Variants in LSAMP observed in about 807,000 individuals in gnomAD.
LSAMP encodes the protein limbic system-associated membrane protein.
A neutral mutation model predicts 38.6 loss-of-function variants in LSAMP; 7 were observed. The ratio of observed to expected loss-of-function variants is 0.18; its 90% CI spans 0.10 to 0.34. The LOEUF (loss-of-function observed/expected upper bound fraction) is 0.34. Ranked by LOEUF, LSAMP falls within the 10% of genes least tolerant of loss-of-function variation. LSAMP has a pLI of 1.00. For missense variants in LSAMP, 313 were observed against 420.0 expected, an observed-to-expected ratio of 0.75 and a Z score of 2.23; for synonymous variants, 154 against 166.8, an observed-to-expected ratio of 0.92 and a Z score of 0.59.
chr3:116,344,451 C>T (rs573468428), intron 1 of LSAMP, among the ~76,000 whole-genome samples: 2 of 152,206 alleles, frequency 1.3e-5, no homozygotes, highest in African/African-American at 4.8e-5. Flanking sequence ...TGCATGCAAA[C>T]TTGCAAGGAG....
chr3:116,328,430 T>C (rs1037877567), intron 1 of LSAMP, among the ~76,000 whole-genome samples: 2 of 152,222 alleles, frequency 1.3e-5, no homozygotes, highest in African/African-American at 4.8e-5. Flanking sequence ...TTCTTCTAAA[T>C]AGCATATTCT....
At chr3:116,038,624 A>G in intron 2 of LSAMP, among the ~76,000 whole-genome samples, 1 of 152,116 alleles carries the variant, frequency 6.6e-6, no homozygotes, top group East Asian at 1.9e-4. Context: ...TCTGAGATGT[A>G]TGCTATATAT....
intron 2 of LSAMP, among the ~76,000 whole-genome samples, chr3:116,054,193 A>C (rs1044072872): frequency 7.2e-5 from 11 of 152,048 alleles, no homozygotes; most frequent in African/African-American, 1.9e-4. Context: ...AGCATCAATA[A>C]TCTCTTTTTG....
At chr3:116,020,881 G>A (rs1940619227) in intron 2 of LSAMP, among the ~76,000 whole-genome samples, 1 of 152,174 alleles carries the variant, frequency 6.6e-6, no homozygotes, top group Non-Finnish European at 1.5e-5. Flanking sequence ...GTTCAATAAT[G>A]AATTGTATCT....
At position 115,835,872 on chromosome 3, in the gene LSAMP, G is replaced by T. The variant is rs547820927; in HGVS notation, c.919+5973C>A. On this transcript the variant is annotated intron_variant, in intron 6 of 6. Coordinates refer to ENST00000490035, the MANE Select transcript of LSAMP (RefSeq NM_002338.5). ...GAACAATTGTGTGTTAGTTACACAA[G>T]TGTCAAGTAGAAAAATGGTTTAAGC... Among the ~76,000 whole-genome samples, 38 of 152,316 alleles carry T rather than the reference G, an allele frequency of 2.5e-4. 1 individual carries two copies. In the South Asian group the frequency reaches 3.7e-3, roughly 15 times the overall value.
At chr3:116,401,118 A>G (rs542409599) in intron 1 of LSAMP, among the ~76,000 whole-genome samples, 11 of 152,356 alleles carry the variant, frequency 7.2e-5, no homozygotes, top group African/African-American at 2.6e-4. Flanking sequence ...AAGGGCTAAC[A>G]ACAAACTATT....
intron 1 of LSAMP, among the ~76,000 whole-genome samples, chr3:116,249,702 T>C (rs1325184958): frequency 6.6e-6 from 1 of 152,044 alleles, no homozygotes; most frequent in Non-Finnish European, 1.5e-5. Flanking sequence ...CTTTAATACA[T>C]AGTCTTCTGG....
At chr3:116,270,832 T>C (rs2046961654) in intron 1 of LSAMP, among the ~76,000 whole-genome samples, 1 of 152,142 alleles carries the variant, frequency 6.6e-6, no homozygotes, top group African/African-American at 2.4e-5. Flanking sequence ...TGAATAATTA[T>C]ATACAATAAG....
chr3:116,168,550 G>A (rs1218925190), intron 1 of LSAMP, among the ~76,000 whole-genome samples: 1 of 152,136 alleles, frequency 6.6e-6, no homozygotes, highest in East Asian at 1.9e-4. Context: ...GTGGAGAAAG[G>A]CATTTCCTTC....
rs889104937 is a variant in LSAMP, at chr3:115,810,210, C to T, written c.*107G>A. The T allele has an allele frequency of 4.7e-5, 33 of 697,716 alleles. No individual in the cohort carries two copies. The highest frequency in any genetic ancestry group is 8.6e-5 in the South Asian group (4 of 46,660). 43.2% of individuals were successfully genotyped at this position (697,716 alleles called of 1,614,324 possible). A position where few individuals can be genotyped will look rare whatever the true frequency, so the allele number is the denominator to read the frequency against. The stretch of plus-strand genomic sequence containing the variant: ...TAAACACACAAAGTTGTGAAATAAA[C>T]GGTCTCCCCCATCTCTCTCTCTCTC... On this transcript the variant is annotated 3_prime_UTR_variant, in exon 7 of 7. Transcript: ENST00000490035.
At chr3:115,847,237 G>A (rs981849193) in intron 4 of LSAMP, among the ~76,000 whole-genome samples, 32 of 152,108 alleles carry the variant, frequency 2.1e-4, no homozygotes, top group African/African-American at 7.2e-4. Flanking sequence ...TCCTCTCTAC[G>A]TGGGGATGAT....
intron 1 of LSAMP, among the ~76,000 whole-genome samples, chr3:116,119,840 T>C (rs1438570060): frequency 6.6e-6 from 1 of 152,000 alleles, no homozygotes; most frequent in African/African-American, 2.4e-5. Context: ...TTTGTATTTT[T>C]AGTAGAGATG....
At chr3:116,194,377 TTTTGTTTG>T (rs138140039) in intron 1 of LSAMP, among the ~76,000 whole-genome samples, 6,665 of 151,188 alleles carry the variant, frequency 0.044, 181 homozygotes, top group Non-Finnish European at 0.065. Context: ...GGGAATTGTT[TTTTGTTTG>T]TTTGTTTGTT....
At chr3:116,014,094 G>T (rs774843882) in intron 3 of LSAMP, among the ~76,000 whole-genome samples, 2 of 152,146 alleles carry the variant, frequency 1.3e-5, no homozygotes, top group Non-Finnish European at 2.9e-5. Context: ...ACTTATGGTG[G>T]ATTGACTTAC....
intron 1 of LSAMP, among the ~76,000 whole-genome samples, chr3:116,190,232 T>C (rs556139876): frequency 1.3e-5 from 2 of 152,126 alleles, no homozygotes; most frequent in South Asian, 4.1e-4. Flanking sequence ...CGCAAGAAAC[T>C]GAAACAATTA....
intron 3 of LSAMP, among the ~76,000 whole-genome samples, chr3:115,897,417 C>T (rs1295363582): frequency 1.3e-5 from 2 of 151,900 alleles, no homozygotes; most frequent in Non-Finnish European, 1.5e-5. Context: ...TTATTTACCT[C>T]CCTCTTCTCT....
intron 3 of LSAMP, among the ~76,000 whole-genome samples, chr3:116,002,074 A>G (rs977097989): frequency 7.9e-5 from 12 of 152,178 alleles, no homozygotes; most frequent in Non-Finnish European, 1.5e-4. Context: ...ATGATGAGTT[A>G]GAGTGATCCT....
At chr3:116,099,632 T>A (rs1708300026) in intron 1 of LSAMP, among the ~76,000 whole-genome samples, 1 of 152,172 alleles carries the variant, frequency 6.6e-6, no homozygotes, top group Admixed American at 6.5e-5. Context: ...ATGGTGATGG[T>A]CCACTGATTG....
intron 1 of LSAMP, among the ~76,000 whole-genome samples, chr3:116,344,997 A>ATG (rs2048044780): frequency 6.6e-6 from 1 of 152,158 alleles, no homozygotes; most frequent in South Asian, 2.1e-4. Flanking sequence ...GTGTGTATGT[A>ATG]TGTGTGTGTA....
Sources: gnomAD v4.1 joint callset for allele counts (sites outside exome capture counted in the v4.1 genomes callset) on GRCh38, gnomAD v4.1.1 for gene constraint, MANE v1.5 for transcripts, NCBI Gene and HGNC (gene_info 2026-07-23, HGNC 2026-07-21) for gene names.